The following GAS2 variants were observed in gnomAD, a reference collection of about 807,000 sequenced individuals.
GAS2 encodes growth arrest specific 2.
In GAS2, 20 loss-of-function variants were observed where a neutral mutation model predicts 37.5. The ratio of observed to expected loss-of-function variants is 0.53; its 90% CI spans 0.37 to 0.77. The LOEUF (loss-of-function observed/expected upper bound fraction) is 0.77, where lower values mean the gene tolerates loss of function less well. GAS2 is among the 30% of genes least tolerant of loss of function. The pLI is 0.00. For synonymous variants in GAS2, 144 were observed against 132.2 expected (o/e 1.09, Z -0.61); for missense variants, 336 against 373.4 (o/e 0.90, Z 0.82).
chr11:22,673,926 A>G (rs1360335773), intron 1 of GAS2, among the ~76,000 whole-genome samples: 1 of 152,244 alleles, frequency 6.6e-6, no homozygotes, highest in Admixed American at 6.5e-5. Context: ...ACTTTCAAAC[A>G]AAACGCAGCA....
chr11:22,639,326 C>T (rs925847762), intron 1 of GAS2, among the ~76,000 whole-genome samples: 3 of 152,088 alleles, frequency 2.0e-5, no homozygotes, highest in African/African-American at 7.2e-5. Context: ...GATTGATTTC[C>T]TCTCTCTCTT....
At chr11:22,759,991 T>C (rs576742835) in intron 7 of GAS2, among the ~76,000 whole-genome samples, 1 of 152,332 alleles carries the variant, frequency 6.6e-6, no homozygotes, top group African/African-American at 2.4e-5. Flanking sequence ...ATGGCTATGT[T>C]CTACCTAAGT....
At chr11:22,683,913 T>C (rs1250731988) in intron 2 of GAS2, among the ~76,000 whole-genome samples, 1 of 152,206 alleles carries the variant, frequency 6.6e-6, no homozygotes, top group Non-Finnish European at 1.5e-5. Flanking sequence ...CAAAACATAC[T>C]ACTAACAATA....
At chr11:22,675,147 TG>T in intron 2 of GAS2, 133 bp downstream of exon 2, 1 of 878,102 alleles carries the variant, frequency 1.1e-6, no homozygotes, top group Non-Finnish European at 1.7e-6. Flanking sequence ...CATTTGCATC[TG>T]GGAAACCTGA....
Position 22,755,870 on chromosome 11 carries a change from C to T in GAS2, c.640C>T (p.Pro214Ser), listed in dbSNP as rs145978353. 1.5e-3 allele frequency: 2,415 copies of T among 1,612,896 alleles called. 3 individuals carry two copies. The highest frequency in any genetic ancestry group is 1.9e-3 in the Non-Finnish European group (2,194 of 1,179,150). Reference protein sequence around the residue: ...DAVKRISEDPPCKCPNKFCVE... With the variant: ...DAVKRISEDPSCKCPNKFCVE... ...GGTGAAACGAATTTCTGAAGATCCT[C>T]CTTGCAAATGCCCAAACAAGTTCTG... The change falls in exon 7 of 8, where the codon CCT becomes TCT. Residue 214 changes from proline to serine, a missense_variant. Pro to Ser is a moderately conservative substitution (Grantham distance 74). Transcript: ENST00000454584.
chr11:22,720,828 G>T (rs182348129), intron 3 of GAS2, among the ~76,000 whole-genome samples: 3 of 151,944 alleles, frequency 2.0e-5, no homozygotes, highest in Admixed American at 6.6e-5. Flanking sequence ...TTTTCAGTTC[G>T]CACAATGCAA....
intron 6 of GAS2, among the ~76,000 whole-genome samples, chr11:22,755,037 C>T (rs1853950975): frequency 6.6e-6 from 1 of 152,046 alleles, no homozygotes; most frequent in Admixed American, 6.6e-5. Context: ...GGTTCCCCAT[C>T]AGGGAAAACA....
At chr11:22,711,551 C>G (rs866308918) in intron 3 of GAS2, among the ~76,000 whole-genome samples, 29 of 152,230 alleles carry the variant, frequency 1.9e-4, no homozygotes, top group African/African-American at 7.0e-4. Context: ...TGTGGGTAGG[C>G]AGGCCCAGGC....
upstream of GAS2, among the ~76,000 whole-genome samples, chr11:22,664,762 T>G (rs934126244): frequency 6.6e-6 from 1 of 152,032 alleles, no homozygotes; most frequent in African/African-American, 2.4e-5. Flanking sequence ...AATATTGATT[T>G]TGAAAAACAA....
chr11:22,655,887 T>C (rs533400154), intron 1 of GAS2, among the ~76,000 whole-genome samples: 32 of 152,376 alleles, frequency 2.1e-4, no homozygotes, highest in Admixed American at 2.0e-3. Flanking sequence ...ATTTTATCAA[T>C]TATTAAATAG....
At chr11:22,718,270 T>G (rs1020841334) in intron 3 of GAS2, among the ~76,000 whole-genome samples, 1 of 151,836 alleles carries the variant, frequency 6.6e-6, no homozygotes, top group South Asian at 2.1e-4. Context: ...TATATATATA[T>G]ATGGTGTGTG....
chr11:22,731,221 T>C, intron 4 of GAS2: 1 of 323,810 alleles, frequency 3.1e-6, no homozygotes, highest in Non-Finnish European at 6.1e-6. Flanking sequence ...ATACACATTC[T>C]GGTGAGCTGG....
intron 2 of GAS2, among the ~76,000 whole-genome samples, chr11:22,681,892 A>T (rs540001082): frequency 1.2e-3 from 190 of 152,186 alleles, no homozygotes; most frequent in African/African-American, 4.5e-3. Flanking sequence ...GAGATAATAT[A>T]TCATCCCCAT....
chr11:22,636,647 G>C (rs1858825487), intron 1 of GAS2, among the ~76,000 whole-genome samples: 2 of 151,888 alleles, frequency 1.3e-5, no homozygotes, highest in Admixed American at 1.3e-4. Context: ...ATATCCATAT[G>C]AATTAATGTT....
intron 5 of GAS2, among the ~76,000 whole-genome samples, chr11:22,748,361 T>C (rs1435317377): frequency 6.6e-6 from 1 of 152,074 alleles, no homozygotes; most frequent in Non-Finnish European, 1.5e-5. Context: ...TAGGTACAGT[T>C]GATATGTACC....
intron 3 of GAS2, among the ~76,000 whole-genome samples, chr11:22,711,282 A>G (rs1439568749): frequency 6.6e-6 from 1 of 152,200 alleles, no homozygotes; most frequent in Non-Finnish European, 1.5e-5. Flanking sequence ...GAAAGATACA[A>G]GTAGAAGCAG....
rs1853581010 is a variant in GAS2 at position 22,749,128 on chromosome 11, T to C, written c.482T>C (p.Val161Ala). The C allele has an allele frequency of 2.5e-6, 4 of 1,611,992 alleles. No individual in the cohort carries two copies. The East Asian group carries it at 6.7e-5, about 27-fold the overall frequency. The change falls in exon 6 of 8, where the codon GTG becomes GCG. Residue 161 changes from valine (V) to alanine (A), a missense_variant. Val to Ala is a moderately conservative substitution (Grantham distance 64). Transcript: ENST00000454584. ...ELGRIAARYG[V>A]EPPGLIKLEK... ...CCAGGGTCTTTTTAAAGGTATGGTG[T>C]GGAGCCTCCTGGTTTGATAAAGCTG...
chr11:22,755,904 G>T lies in GAS2; in HGVS notation c.674G>T (p.Arg225Leu). ...TGCCCAAACAAGTTCTGTGTGGAGC[G>T]GCTCTCCCAAGGAAGATACCGAGTG... ...CKCPNKFCVE[R>L]LSQGRYRVGE... The change falls in exon 7 of 8, where the codon CGG becomes CTG. Residue 225 changes from arginine (R) to leucine (L), a missense_variant. Coordinates refer to ENST00000454584, the MANE Select transcript of GAS2 (RefSeq NM_001143830.3). 1 of 1,612,916 alleles carries T rather than the reference G, an allele frequency of 6.2e-7. No individual in the cohort carries two copies. The highest frequency in any genetic ancestry group is 8.5e-7 in the Non-Finnish European group (1 of 1,179,202).
chr11:22,760,586 A>T (rs1008804915), intron 7 of GAS2, among the ~76,000 whole-genome samples: 8 of 152,242 alleles, frequency 5.3e-5, no homozygotes, highest in Non-Finnish European at 7.3e-5. Flanking sequence ...GATCATTTTG[A>T]AGACTTCTGT....
Sources: gnomAD v4.1 joint callset for allele counts (sites outside exome capture counted in the v4.1 genomes callset) on GRCh38, gnomAD v4.1.1 for gene constraint, MANE v1.5 for transcripts, NCBI Gene and HGNC (gene_info 2026-07-23, HGNC 2026-07-21) for gene names.